Variants in ADGRA3 observed in about 807,000 individuals in gnomAD.
ADGRA3 encodes G-protein coupled receptor 125.
In ADGRA3, 56 loss-of-function variants were observed where a neutral mutation model predicts 119.8. The ratio of observed to expected loss-of-function variants is 0.47; its 90% CI spans 0.38 to 0.58. ADGRA3 has a LOEUF of 0.58. Among genes scored for constraint, ADGRA3 ranks in the 20% least tolerant of loss-of-function variants. The pLI is 0.00. For synonymous variants in ADGRA3, 607 were observed against 623.8 expected, an observed-to-expected ratio of 0.97 and a Z score of 0.40; for missense variants, 1,516 against 1,649.0, an observed-to-expected ratio of 0.92 and a Z score of 1.40.
intron 1 of ADGRA3, among the ~76,000 whole-genome samples, chr4:22,501,146 C>T (rs879567434): frequency 5.3e-5 from 8 of 152,160 alleles, no homozygotes; most frequent in Non-Finnish European, 1.0e-4. Context: ...TGAGCCAACA[C>T]CTACAAGAAC....
rs563762292 is a variant in ADGRA3 at position 22,409,854 on chromosome 4, C to T, written c.2232+3328G>A. Among the ~76,000 whole-genome samples the T allele has an allele frequency of 3.9e-5, 6 of 152,186 alleles. 1 individual carries two copies. The highest frequency in any genetic ancestry group is 4.2e-4 in the South Asian group (2 of 4,814). On this transcript the variant is annotated intron_variant, in intron 14 of 18. Transcript: ENST00000334304. ...ACACGAGGGTCTCCTCAACAATACG[C>T]GAGAAACAAACAGTAGTTACTTATC... is the stretch of plus-strand genomic sequence containing the variant.
intron 1 of ADGRA3, among the ~76,000 whole-genome samples, chr4:22,496,366 A>T (rs891316175): frequency 2.0e-5 from 3 of 152,180 alleles, no homozygotes; most frequent in Non-Finnish European, 4.4e-5. Context: ...CTCATTAGGG[A>T]ACTATGAAAA....
rs1477601827 is a variant in ADGRA3 at position 22,413,217 on chromosome 4, G to C, written c.2197C>G (p.Gln733Glu). Residue 733 changes from glutamine to glutamate, a missense_variant, in exon 14 of 19, where the codon CAG (glutamine) becomes GAG (glutamate). By Grantham distance (29) the Gln-to-Glu change is conservative. Around this residue, in one of 2 missense-constraint regions of ADGRA3, gnomAD observed 1,088 missense variants for 1,107.1 expected, o/e 0.98. Transcript: ENST00000334304. ...GCATAGTTACTAAGGGAGTAGCACT[G>C]AATCGTAGTGATATTTTCATCTGAA... ...LYSDENITTI[Q>E]CYSLSNYAVL... The C allele has an allele frequency of 3.1e-6, 5 of 1,613,896 alleles. No homozygotes were observed. In the Admixed American group the frequency reaches 5.0e-5, roughly 16 times the overall value.
chr4:22,515,538 T>A lies in ADGRA3; in HGVS notation c.247A>T (p.Thr83Ser). 1.3e-6 allele frequency: 2 copies of A among 1,595,128 alleles called. No homozygotes were observed. Among genetic ancestry groups the A allele is most frequent in the Non-Finnish European group, 1.7e-6 (2 of 1,165,912 alleles). The change falls in exon 1 of 19, where the codon ACG becomes TCG. Residue 83 changes from threonine (T) to serine (S), a missense_variant. Thr to Ser is a moderately conservative substitution (Grantham distance 58). Transcript: ENST00000334304. ...VLPPDTLPNR[T>S]VTLILSNNKI... The stretch of plus-strand genomic sequence containing the variant: ...GCGGGAGATACTCACAGGGTGACCG[T>A]GCGGTTGGGCAGAGTATCTGGGGGC...
intron 16 of ADGRA3, among the ~76,000 whole-genome samples, chr4:22,398,995 A>C (rs1200439885): frequency 6.6e-6 from 1 of 152,186 alleles, no homozygotes; most frequent in Non-Finnish European, 1.5e-5. Flanking sequence ...CAACTATGTA[A>C]AAGGATCCTG....
At chr4:22,468,620 T>A (rs1308462354) in intron 2 of ADGRA3, among the ~76,000 whole-genome samples, 2 of 151,904 alleles carry the variant, frequency 1.3e-5, no homozygotes, top group South Asian at 2.1e-4. Context: ...AATACAAAAA[T>A]TAGCTGGGTG....
Position 22,388,622 on chromosome 4 carries a change from C to T in ADGRA3, c.3049G>A (p.Val1017Ile), listed in dbSNP as rs765544362. ...AAGTCCAAAGGGTAATACAAAGAAACAGCCAAAGCCCCAAACATCCACAGT... is the reference window on the plus strand; with the variant it reads ...AAGTCCAAAGGGTAATACAAAGAAATAGCCAAAGCCCCAAACATCCACAGT... The part of the protein sequence containing the change: ...VALWMFGALA[V>I]SLYYPLDLVF... The change falls in exon 19 of 19, where the codon GTT becomes ATT. Residue 1017 changes from valine to isoleucine, a missense_variant. Val to Ile is a conservative substitution (Grantham distance 29). Transcript: ENST00000334304. 1.2e-5 allele frequency: 20 copies of T among 1,613,938 alleles called. No homozygotes were observed. The East Asian group carries it at 2.7e-4, about 22-fold the overall frequency.
chr4:22,433,826 C>T (rs1716283160), intron 10 of ADGRA3, among the ~76,000 whole-genome samples: 1 of 152,076 alleles, frequency 6.6e-6, no homozygotes, highest in African/African-American at 2.4e-5. Context: ...GAGCCAGAAC[C>T]CAAACGGCCT....
At chr4:22,444,712 C>T (rs1716762658) in intron 6 of ADGRA3, among the ~76,000 whole-genome samples, 1 of 151,884 alleles carries the variant, frequency 6.6e-6, no homozygotes, top group Non-Finnish European at 1.5e-5. Context: ...ATCTGAAAAT[C>T]TATTCTTTGA....
chr4:22,482,594 G>A (rs1303421744), intron 1 of ADGRA3, among the ~76,000 whole-genome samples: 1 of 152,116 alleles, frequency 6.6e-6, no homozygotes, highest in East Asian at 1.9e-4. Context: ...AAGCCCAGGG[G>A]GTTGAGGCTG....
intron 15 of ADGRA3, among the ~76,000 whole-genome samples, 195 bp from the exon 16 acceptor site, chr4:22,401,749 C>T (rs1167644967): frequency 1.3e-5 from 2 of 152,000 alleles, no homozygotes; most frequent in Non-Finnish European, 2.9e-5. Context: ...AACTCGATCT[C>T]GTTTCTTAAC....
intron 2 of ADGRA3, among the ~76,000 whole-genome samples, chr4:22,468,053 C>T (rs73802816): frequency 0.013 from 1,928 of 152,284 alleles, 42 homozygotes; most frequent in African/African-American, 0.043. Flanking sequence ...ATCAAGAAGT[C>T]AGGCCTTTGT....
intron 1 of ADGRA3, among the ~76,000 whole-genome samples, chr4:22,497,942 TAAA>T (rs74413790): frequency 1.5e-4 from 17 of 111,442 alleles, no homozygotes; most frequent in Non-Finnish European, 2.2e-4. Context: ...AGACCCCATC[TAAA>T]AAAAAAAAAA....
chr4:22,417,977 A>G (rs1468299412), intron 12 of ADGRA3, among the ~76,000 whole-genome samples: 1 of 152,228 alleles, frequency 6.6e-6, no homozygotes, highest in Non-Finnish European at 1.5e-5. Flanking sequence ...AGTATAAAGA[A>G]TTAATTATTT....
Position 22,438,282 on chromosome 4 carries a change from C to A in ADGRA3, c.1059G>T (p.Arg353Ser), listed in dbSNP as rs757554862. Residue 353 changes from arginine to serine, a missense_variant, in exon 8 of 19, where the codon AGG (arginine) becomes AGT (serine). This residue lies in a region of ADGRA3 where 428 missense variants were observed against 541.9 expected (regional missense o/e 0.79). Coordinates refer to ENST00000334304, the MANE Select transcript of ADGRA3 (RefSeq NM_145290.4). Reference protein sequence around the residue: ...ESSAQYCPPERVVNNKGDFRW... With the variant: ...ESSAQYCPPESVVNNKGDFRW... ...TGAAGTCACCTTTGTTGTTTACCAC[C>A]CTCTCTGGAGGACAGTACTGTGCAG... 5.0e-6 allele frequency: 8 copies of A among 1,611,348 alleles called. No individual in the cohort carries two copies. In the Admixed American group the frequency reaches 1.2e-4, roughly 24 times the overall value.
chr4:22,455,072 C>G, intron 3 of ADGRA3, 135 bp from the exon 4 acceptor site: 3 of 649,018 alleles, frequency 4.6e-6, no homozygotes, highest in South Asian at 3.5e-5. Flanking sequence ...ATTTACTGTA[C>G]GCAAATGAGA....
intron 14 of ADGRA3, among the ~76,000 whole-genome samples, chr4:22,412,256 T>C (rs1299729981): frequency 6.6e-6 from 1 of 152,182 alleles, no homozygotes; most frequent in Non-Finnish European, 1.5e-5. Flanking sequence ...TACTCCTTGA[T>C]GTCAGTATTT....
At chr4:22,441,953 G>A (rs1716632056) in intron 7 of ADGRA3, among the ~76,000 whole-genome samples, 1 of 152,090 alleles carries the variant, frequency 6.6e-6, no homozygotes, top group African/African-American at 2.4e-5. Context: ...GCACCCCTGT[G>A]AGTTTGCTGT....
At chr4:22,496,739 G>A (rs1718840348) in intron 1 of ADGRA3, among the ~76,000 whole-genome samples, 1 of 152,180 alleles carries the variant, frequency 6.6e-6, no homozygotes, top group Admixed American at 6.5e-5. Context: ...CAAACGGTGA[G>A]GAACCCTGAT....
Sources: gnomAD v4.1 joint callset for allele counts (sites outside exome capture counted in the v4.1 genomes callset) on GRCh38, gnomAD v4.1.1 for gene constraint, gnomAD v4.1.1 regional missense constraint, MANE v1.5 for transcripts, NCBI Gene and HGNC (gene_info 2026-07-23, HGNC 2026-07-21) for gene names.